PADI4: variants seen among roughly 807,000 people sequenced by gnomAD.
PADI4 encodes protein-arginine deiminase type-4.
Under a neutral mutation model 75.0 loss-of-function variants are expected in PADI4, and 62 were observed. The observed-to-expected ratio is 0.83, with a 90% CI of 0.67 to 1.02. The LOEUF (loss-of-function observed/expected upper bound fraction) is 1.02, where lower values mean the gene tolerates loss of function less well. Ranked by LOEUF, PADI4 falls within the 50% of genes least tolerant of loss-of-function variation. The pLI, the probability that PADI4 is intolerant of heterozygous loss-of-function variation, is 0.00. For missense variants in PADI4, 845 were observed against 850.5 expected, an observed-to-expected ratio of 0.99 and a Z score of 0.08; for synonymous variants, 361 against 348.1, an observed-to-expected ratio of 1.04 and a Z score of -0.41.
intron 13 of PADI4, among the ~76,000 whole-genome samples, chr1:17,358,063 C>T (rs866022391): frequency 3.3e-5 from 5 of 151,472 alleles, no homozygotes; most frequent in Non-Finnish European, 4.4e-5. Flanking sequence ...GCCTGGCCAA[C>T]GTGATGAAAC....
At position 17,330,974 on chromosome 1, in the gene PADI4, C is replaced by A; in HGVS notation, c.98C>A (p.Ala33Asp). 1 of 1,569,514 alleles carries A rather than the reference C, an allele frequency of 6.4e-7. No homozygotes were observed. Among genetic ancestry groups the A allele is most frequent in the Non-Finnish European group, 8.6e-7 (1 of 1,161,868 alleles). The change falls in exon 2 of 16, where the codon GCC (alanine) becomes GAC (aspartate). Residue 33 changes from alanine to aspartate, a missense_variant. Ala to Asp is a moderately radical substitution (Grantham distance 126, BLOSUM62 -2). Transcript: ENST00000375448. ...CCCATGTGTCTTGTCCACAGCTCTGCCCCTGAGGACTGCACGTCCTTCAGC... is the reference window on the plus strand; with the variant it reads ...CCCATGTGTCTTGTCCACAGCTCTGACCCTGAGGACTGCACGTCCTTCAGC... ...TLTQLDICSS[A>D]PEDCTSFSIN...
intron 15 of PADI4, among the ~76,000 whole-genome samples, chr1:17,362,239 G>A (rs1411598296): frequency 6.6e-6 from 1 of 151,646 alleles, no homozygotes; most frequent in Non-Finnish European, 1.5e-5. Context: ...TTAGCCAGGC[G>A]TGGTGGCATC....
chr1:17,352,249 A>AGG (rs796174006), intron 10 of PADI4, among the ~76,000 whole-genome samples: 139 of 134,144 alleles, frequency 1.0e-3, no homozygotes, highest in African/African-American at 3.8e-3. Context: ...GTGGTAGCAG[A>AGG]GGTGGTCAAG....
intron 6 of PADI4, among the ~76,000 whole-genome samples, 170 bp downstream of exon 6, chr1:17,339,983 G>A (rs966034532): frequency 6.6e-6 from 1 of 151,832 alleles, no homozygotes; most frequent in African/African-American, 2.4e-5. Context: ...CCTTCCAGTT[G>A]GAGGACACAG....
intron 1 of PADI4, among the ~76,000 whole-genome samples, chr1:17,328,330 C>G (rs1170719077): frequency 6.6e-6 from 1 of 152,020 alleles, no homozygotes; most frequent in Non-Finnish European, 1.5e-5. Context: ...GGCCAAAGAC[C>G]TTTAAAAGTA....
Position 17,346,072 on chromosome 1 carries a change from C to T in PADI4, c.980C>T (p.Ala327Val). Residue 327 changes from alanine to valine, a missense_variant, in exon 9 of 16, where the codon GCC becomes GTC. Ala to Val is a moderately conservative substitution (Grantham distance 64). Transcript: ENST00000375448. The surrounding 1 kb of genome is among the most constrained non-coding windows in gnomAD (Gnocchi z 4.3). ...TTCCTGAAGTCAGTGACTACTCTGG[C>T]CATGAAAGCCAAGTGCAAGCTGACC... The part of the protein sequence containing the change: ...EDFLKSVTTL[A>V]MKAKCKLTIC... 1 of 1,613,796 alleles carries T rather than the reference C, an allele frequency of 6.2e-7. No individual in the cohort carries two copies. Among genetic ancestry groups the T allele is most frequent in the Middle Eastern group, 1.7e-4 (1 of 6,056 alleles).
intron 1 of PADI4, among the ~76,000 whole-genome samples, chr1:17,324,155 G>GTT (rs1176338034): frequency 1.6e-5 from 2 of 126,840 alleles, no homozygotes; most frequent in Non-Finnish European, 3.2e-5. Flanking sequence ...GGTTTTTTTT[G>GTT]TTTTTTTTTT....
Position 17,355,286 on chromosome 1 carries a change from T to C in PADI4, c.1310+599T>C, listed in dbSNP as rs547874362. ...ACAAGAAGAGGCTGGGCACAGTGGC[T>C]CACACCTGTAATCCCAGCACTTTGG... On this transcript the variant is annotated intron_variant, in intron 11 of 15. Coordinates refer to ENST00000375448, the MANE Select transcript of PADI4 (RefSeq NM_012387.3). Among the ~76,000 whole-genome samples the C allele has an allele frequency of 2.0e-5, 3 of 152,312 alleles. No individual in the cohort carries two copies. The East Asian group carries it at 5.8e-4, about 29-fold the overall frequency.
intron 1 of PADI4, among the ~76,000 whole-genome samples, chr1:17,318,696 T>TC (rs1296886620): frequency 6.6e-6 from 1 of 151,590 alleles, no homozygotes; most frequent in East Asian, 1.9e-4. Context: ...TTTTCTTTTT[T>TC]TTTTTTTGAG....
At chr1:17,331,541 C>A (rs2074212715) in intron 2 of PADI4, among the ~76,000 whole-genome samples, 1 of 152,194 alleles carries the variant, frequency 6.6e-6, no homozygotes, top group Admixed American at 6.5e-5. Flanking sequence ...ATACTGAGTT[C>A]TATGGAGGCC....
intron 2 of PADI4, among the ~76,000 whole-genome samples, 196 bp downstream of exon 2, chr1:17,331,345 G>A (rs2074208794): frequency 1.3e-5 from 2 of 152,156 alleles, no homozygotes; most frequent in African/African-American, 4.8e-5. Context: ...GGAGGTCAGG[G>A]TTTAGATTAA....
intron 6 of PADI4, among the ~76,000 whole-genome samples, chr1:17,341,636 G>A (rs548044355): frequency 4.6e-5 from 7 of 152,196 alleles, no homozygotes; most frequent in African/African-American, 9.7e-5. Flanking sequence ...CCTGTCCCCC[G>A]CTGACATCTG....
At chr1:17,344,855 C>T (rs2074487134) in intron 8 of PADI4, among the ~76,000 whole-genome samples, 1 of 152,236 alleles carries the variant, frequency 6.6e-6, no homozygotes, top group Non-Finnish European at 1.5e-5. Context: ...TACAGCAGTG[C>T]AGAGGGGAAA....
At chr1:17,338,554 G>A (rs1280157311) in intron 5 of PADI4, among the ~76,000 whole-genome samples, 1 of 152,214 alleles carries the variant, frequency 6.6e-6, no homozygotes, top group African/African-American at 2.4e-5. Context: ...GACCACTTTG[G>A]AATGATTAAC....
At chr1:17,318,945 C>A (rs2073988327) in intron 1 of PADI4, among the ~76,000 whole-genome samples, 1 of 152,124 alleles carries the variant, frequency 6.6e-6, no homozygotes, top group South Asian at 2.1e-4. Flanking sequence ...GCCTCGGCCT[C>A]CCAAAGTGCT....
intron 10 of PADI4, 31 bp downstream of exon 10, chr1:17,348,079 C>A: frequency 7.3e-7 from 1 of 1,361,274 alleles, no homozygotes; most frequent in Non-Finnish European, 1.1e-6. Flanking sequence ...GGGGGCACAG[C>A]TGCCGAAACC....
chr1:17,325,896 G>T (rs1344502692), intron 1 of PADI4, among the ~76,000 whole-genome samples: 1 of 152,002 alleles, frequency 6.6e-6, no homozygotes, highest in Non-Finnish European at 1.5e-5. Flanking sequence ...TAGAGACAGG[G>T]TTTTGCCACG....
chr1:17,343,136 G>A (rs892814788), intron 8 of PADI4, among the ~76,000 whole-genome samples: 15 of 152,300 alleles, frequency 9.8e-5, no homozygotes, highest in African/African-American at 3.6e-4. Flanking sequence ...GCAGTGAGCC[G>A]AGATTGCACC....
At chr1:17,324,153 T>G (rs1557546331) in intron 1 of PADI4, among the ~76,000 whole-genome samples, 2 of 142,390 alleles carry the variant, frequency 1.4e-5, no homozygotes, top group Admixed American at 7.0e-5. Flanking sequence ...TGGGTTTTTT[T>G]TGTTTTTTTT....
Sources: allele counts gnomAD v4.1 joint callset (sites outside exome capture counted in the v4.1 genomes callset), GRCh38; gene constraint gnomAD v4.1.1; non-coding constraint Gnocchi (gnomAD v3.1); transcripts MANE v1.5; gene names NCBI Gene and HGNC (gene_info 2026-07-23, HGNC 2026-07-21).